TCEA3: variants seen among roughly 807,000 people sequenced by gnomAD.
TCEA3 encodes the protein transcription elongation factor A protein 3.
A neutral mutation model predicts 44.0 loss-of-function variants in TCEA3; 36 were observed. The ratio of observed to expected loss-of-function variants is 0.82; its 90% CI spans 0.63 to 1.08. TCEA3 has a LOEUF of 1.08. Ranked by LOEUF, TCEA3 falls within the 50% of genes least tolerant of loss-of-function variation. The probability of loss-of-function intolerance (pLI) is 0.00; values close to 1 mark genes in which losing one functional copy is unlikely to be tolerated. For synonymous variants in TCEA3, 162 were observed against 159.7 expected (o/e 1.01, Z -0.11); for missense variants, 392 against 441.2 (o/e 0.89, Z 1.00).
intron 8 of TCEA3, among the ~76,000 whole-genome samples, chr1:23,388,354 C>T (rs1387246161): frequency 6.6e-6 from 1 of 152,036 alleles, no homozygotes; most frequent in East Asian, 1.9e-4. Flanking sequence ...CATGCCACCA[C>T]ACCCAGCTAA....
intron 4 of TCEA3, among the ~76,000 whole-genome samples, chr1:23,413,456 C>T (rs2148578170): frequency 6.7e-6 from 1 of 149,190 alleles, no homozygotes; most frequent in South Asian, 2.1e-4. Context: ...GTTTTAAAGA[C>T]AGAATCTCGC....
intron 4 of TCEA3, among the ~76,000 whole-genome samples, chr1:23,415,056 C>T (rs1423047923): frequency 2.5e-5 from 3 of 118,832 alleles, no homozygotes; most frequent in Non-Finnish European, 4.9e-5. Context: ...CAGAGTCTCA[C>T]TCTGTTGTCC....
In TCEA3 at chr1:23,397,968, A is replaced by G; in HGVS notation, c.444-13T>C. On this transcript the variant is annotated splice_polypyrimidine_tract_variant and intron_variant, in intron 5 of 10. Coordinates refer to ENST00000450454, the MANE Select transcript of TCEA3 (RefSeq NM_003196.3). ...GCTGCTGTTTGATCTGAGGATGACA[A>G]TAAGTAACAGACATTTGACATTAAG... 6.2e-7 allele frequency: 1 copy of G among 1,613,250 alleles called. No homozygotes were observed. Among genetic ancestry groups the G allele is most frequent in the Non-Finnish European group, 8.5e-7 (1 of 1,179,614 alleles).
intron 4 of TCEA3, among the ~76,000 whole-genome samples, chr1:23,414,226 G>A (rs1350189512): frequency 6.6e-6 from 1 of 151,426 alleles, no homozygotes; most frequent in Non-Finnish European, 1.5e-5. Context: ...CAAGTAGCTG[G>A]AATTACAGGC....
In TCEA3 at chr1:23,383,849, G is replaced by A. The variant is rs607675; in HGVS notation, c.1038+497C>T. 840 of 988,300 alleles carry A rather than the reference G, an allele frequency of 8.5e-4. 10 individuals are homozygous for A. In the African/African-American group the frequency reaches 0.014, roughly 16 times the overall value. The allele number at this position is 988,300 out of a possible 1,614,324, so 61.2% of individuals were successfully genotyped here. A position where few individuals can be genotyped will look rare whatever the true frequency, so the allele number is the denominator to read the frequency against. On this transcript the variant is annotated intron_variant, in intron 10 of 10. Coordinates refer to ENST00000450454, the MANE Select transcript of TCEA3 (RefSeq NM_003196.3). ...AGGAGCTGGGGCAGTCTGAGTTACAGACTTGGGTAAGACTTTCAGAGCTTC... is the reference window on the plus strand; with the variant it reads ...AGGAGCTGGGGCAGTCTGAGTTACAAACTTGGGTAAGACTTTCAGAGCTTC...
At chr1:23,421,475 G>A (rs568054577) in intron 1 of TCEA3, among the ~76,000 whole-genome samples, 1 of 148,656 alleles carries the variant, frequency 6.7e-6, no homozygotes, top group Admixed American at 6.9e-5. Flanking sequence ...GTGGTGTGCT[G>A]GCCAACGTTT....
intron 3 of TCEA3, 102 bp from the exon 4 acceptor site, chr1:23,417,492 T>C: frequency 6.8e-7 from 1 of 1,467,138 alleles, no homozygotes; most frequent in Non-Finnish European, 9.0e-7. Context: ...CGAGGACAGC[T>C]GCACACACAC....
chr1:23,400,472 G>A (rs1185452351), intron 5 of TCEA3, among the ~76,000 whole-genome samples: 1 of 149,700 alleles, frequency 6.7e-6, no homozygotes, highest in African/African-American at 2.5e-5. Context: ...GCCTCCCAAT[G>A]TGCTGAGATT....
At chr1:23,405,295 G>C (rs1639511342) in intron 5 of TCEA3, among the ~76,000 whole-genome samples, 1 of 152,050 alleles carries the variant, frequency 6.6e-6, no homozygotes, top group South Asian at 2.1e-4. Context: ...CTGGGTAGGA[G>C]ACAAATTAAT....
At chr1:23,405,707 G>A (rs1639525238) in intron 5 of TCEA3, among the ~76,000 whole-genome samples, 1 of 152,166 alleles carries the variant, frequency 6.6e-6, no homozygotes. Context: ...GATTCTGTTT[G>A]ACTGACCTTC....
rs1046314450 is a variant in TCEA3 at position 23,381,449 on chromosome 1, C to T, written c.*17G>A. The T allele has an allele frequency of 2.6e-6, 2 of 780,636 alleles. No homozygotes were observed. Among genetic ancestry groups the T allele is most frequent in the African/African-American group, 3.4e-5 (2 of 59,112 alleles). 48.4% of individuals were successfully genotyped at this position (780,636 alleles called of 1,614,324 possible). A position where few individuals can be genotyped will look rare whatever the true frequency, so the allele number is the denominator to read the frequency against. On this transcript the variant is annotated 3_prime_UTR_variant, in exon 11 of 11. Transcript: ENST00000450454. ...CCTCTTTCTTCTTCCTCACCTTGTT[C>T]ATGGCTGGCTGTTCCATCAGCAGAA... is the stretch of plus-strand genomic sequence containing the variant.
chr1:23,415,617 T>C (rs949512616), intron 4 of TCEA3, among the ~76,000 whole-genome samples: 18 of 152,314 alleles, frequency 1.2e-4, no homozygotes, highest in Admixed American at 4.6e-4. Flanking sequence ...CAGGGGACCA[T>C]GCTGCTACAA....
At chr1:23,389,291 C>T (rs1638948428) in intron 8 of TCEA3, among the ~76,000 whole-genome samples, 1 of 152,020 alleles carries the variant, frequency 6.6e-6, no homozygotes, top group African/African-American at 2.4e-5. Flanking sequence ...AGTTGGAGAC[C>T]AGCCAGGTCA....
At chr1:23,390,483 G>C (rs1180481863) in intron 8 of TCEA3, among the ~76,000 whole-genome samples, 1 of 151,666 alleles carries the variant, frequency 6.6e-6, no homozygotes, top group Non-Finnish European at 1.5e-5. Flanking sequence ...CATCTCAAAA[G>C]AAAAAACAAA....
Position 23,394,017 on chromosome 1 carries a change from G to A in TCEA3, c.681C>T (p.Leu227=). 2 of 1,613,980 alleles carry A rather than the reference G, an allele frequency of 1.2e-6. No homozygotes were observed. Among genetic ancestry groups the A allele is most frequent in the African/African-American group, 1.3e-5 (1 of 75,044 alleles). The part of the protein sequence containing the change: ...SEIEDHIYQE[L]KSTDMKYRNR... ...TCCGGTACTTCATGTCCGTGCTCTT[G>A]AGCTCTTGGTAGATATGTGACACAG... Residue 227 remains leucine (L), a synonymous_variant, in exon 8 of 11, where the codon CTC becomes CTT. Coordinates refer to ENST00000450454, the MANE Select transcript of TCEA3 (RefSeq NM_003196.3).
chr1:23,408,205 G>A (rs984889275), intron 5 of TCEA3, among the ~76,000 whole-genome samples: 8 of 152,032 alleles, frequency 5.3e-5, no homozygotes, highest in Admixed American at 1.3e-4. Flanking sequence ...CAAGTGATCC[G>A]CCTGCCTCGG....
At chr1:23,402,599 C>A (rs1013540959) in intron 5 of TCEA3, among the ~76,000 whole-genome samples, 1 of 152,340 alleles carries the variant, frequency 6.6e-6, no homozygotes, top group Non-Finnish European at 1.5e-5. Context: ...CCTTCCCTCA[C>A]CACCTCAGCT....
At position 23,424,624 on chromosome 1, in the gene TCEA3, C is replaced by T; in HGVS notation, c.10G>A (p.Glu4Lys). The T allele has an allele frequency of 6.2e-7, 1 of 1,607,468 alleles. No individual in the cohort carries two copies. The highest frequency in any genetic ancestry group is 8.5e-7 in the Non-Finnish European group (1 of 1,178,946). MGQ[E>K]EELLRIAKKL... ...TTGGCGATCCTCAGCAGCTCCTCTT[C>T]CTGGCCCATGTTGGCCCGCGACGCC... The change falls in exon 1 of 11, where the codon GAA becomes AAA. Residue 4 changes from glutamate to lysine, a missense_variant. Glu to Lys is a moderately conservative substitution (Grantham distance 56). Coordinates refer to ENST00000450454, the MANE Select transcript of TCEA3 (RefSeq NM_003196.3).
Position 23,397,534 on chromosome 1 carries a change from T to C in TCEA3, c.664+11A>G. ...GCAGACACCCACAGCCCCGGCACAG[T>C]TCAAGGATATGATCTTCGATTTCTG... is the stretch of plus-strand genomic sequence containing the variant. On this transcript the variant is annotated intron_variant, in intron 7 of 10. Coordinates refer to ENST00000450454, the MANE Select transcript of TCEA3 (RefSeq NM_003196.3). 1.2e-6 allele frequency: 2 copies of C among 1,613,542 alleles called. No individual in the cohort carries two copies. The highest frequency in any genetic ancestry group is 1.7e-6 in the Non-Finnish European group (2 of 1,179,670).
Sources: gnomAD v4.1 joint callset for allele counts (sites outside exome capture counted in the v4.1 genomes callset) on GRCh38, gnomAD v4.1.1 for gene constraint, MANE v1.5 for transcripts, NCBI Gene and HGNC (gene_info 2026-07-23, HGNC 2026-07-21) for gene names.